The following CDH11 variants were observed in gnomAD, a reference collection of about 807,000 sequenced individuals.
The protein encoded by CDH11 is cadherin 11, also known as cadherin-11.
A neutral mutation model predicts 67.8 loss-of-function variants in CDH11; 11 were observed. The ratio of observed to expected loss-of-function variants is 0.16; its 90% CI spans 0.10 to 0.27. The LOEUF is 0.27. CDH11 is among the 10% of genes least tolerant of loss of function. The pLI is 1.00. For missense variants in CDH11, 847 were observed against 1,031.2 expected, an observed-to-expected ratio of 0.82 and a Z score of 2.45; for synonymous variants, 419 against 400.0, an observed-to-expected ratio of 1.05 and a Z score of -0.57.
At chr16:65,093,854 T>C (rs1043802518) in intron 1 of CDH11, among the ~76,000 whole-genome samples, 7 of 152,180 alleles carry the variant, frequency 4.6e-5, no homozygotes, top group Admixed American at 1.3e-4. Flanking sequence ...TGTCAAAATA[T>C]GAAAGCAAAA....
intron 7 of CDH11, chr16:64,985,125 C>T (rs1017960703): frequency 6.6e-6 from 1 of 152,100 alleles, no homozygotes; most frequent in Non-Finnish European, 1.5e-5. Flanking sequence ...CACCTAAAAC[C>T]TCATCTTTAT....
chr16:64,992,525 C>T (rs920082961), intron 5 of CDH11, among the ~76,000 whole-genome samples: 1 of 152,192 alleles, frequency 6.6e-6, no homozygotes, highest in African/African-American at 2.4e-5. Context: ...GATATTGGCA[C>T]ATGAGTGCCA....
At chr16:65,045,341 A>G (rs908591486) in intron 2 of CDH11, among the ~76,000 whole-genome samples, 5 of 66,830 alleles carry the variant, frequency 7.5e-5, no homozygotes, top group African/African-American at 2.1e-4. Context: ...ATATATATAT[A>G]TATATATATA....
At chr16:64,995,900 G>C (rs918188022) in intron 4 of CDH11, among the ~76,000 whole-genome samples, 17 of 152,166 alleles carry the variant, frequency 1.1e-4, no homozygotes, top group African/African-American at 4.1e-4. Context: ...AATTCAACAA[G>C]TAAAAAAACA....
At chr16:65,003,867 C>G (rs1124695) in intron 3 of CDH11, among the ~76,000 whole-genome samples, 22,686 of 152,106 alleles carry the variant, frequency 0.15, 2,275 homozygotes, top group East Asian at 0.42. Flanking sequence ...TGACACTGCC[C>G]TTGACACAAA....
intron 6 of CDH11, chr16:64,991,544 T>C (rs2072628961): frequency 2.0e-6 from 1 of 489,080 alleles, no homozygotes; most frequent in Non-Finnish European, 3.7e-6. Context: ...TCCAGGGTTG[T>C]AGAACTTTTT....
In CDH11 at chr16:64,991,913, G is replaced by A; in HGVS notation, c.666C>T (p.Pro222=). The A allele has an allele frequency of 6.2e-7, 1 of 1,612,794 alleles. No homozygotes were observed. The highest frequency in any genetic ancestry group is 8.5e-7 in the Non-Finnish European group (1 of 1,179,022). Residue 222 remains proline (P), a synonymous_variant, in exon 6 of 13, where the codon CCC becomes CCT. Coordinates refer to ENST00000268603, the MANE Select transcript of CDH11 (RefSeq NM_001797.4). ...CCTCCTTGGCCTCCCTGTCCATGTT[G>A]GGTAGGGCTGTTCTGATGATACCTG... The part of the protein sequence containing the change: ...AQTGIIRTAL[P]NMDREAKEEY...
chr16:65,122,888 C>T (rs1402806436), upstream of CDH11, among the ~76,000 whole-genome samples: 1 of 152,200 alleles, frequency 6.6e-6, no homozygotes, highest in Non-Finnish European at 1.5e-5. Context: ...GTATCAGTGG[C>T]CCCCGCCGGT....
chr16:65,016,833 T>C (rs113691875), intron 2 of CDH11, among the ~76,000 whole-genome samples: 2 of 152,230 alleles, frequency 1.3e-5, no homozygotes, highest in African/African-American at 4.8e-5. Flanking sequence ...CAAATGGTTA[T>C]TTCTTGATTA....
At chr16:65,055,175 G>T (rs1317436837) in intron 1 of CDH11, among the ~76,000 whole-genome samples, 1 of 152,212 alleles carries the variant, frequency 6.6e-6, no homozygotes, top group African/African-American at 2.4e-5. Context: ...GACCCTGCTT[G>T]TCAACCATGT....
Position 64,973,077 on chromosome 16 carries a change from A to G in CDH11, c.1254-37T>C, listed in dbSNP as rs188913945. On this transcript the variant is annotated intron_variant, in intron 8 of 12. Coordinates refer to ENST00000268603, the MANE Select transcript of CDH11 (RefSeq NM_001797.4). ...GCAAATGAGGCAATTAGACCAAGACATTCAGAGCAGCTTAATATTTGAATA... is the reference window on the plus strand; with the variant it reads ...GCAAATGAGGCAATTAGACCAAGACGTTCAGAGCAGCTTAATATTTGAATA... The G allele has an allele frequency of 3.8e-5, 61 of 1,599,152 alleles. 1 individual carries two copies. The East Asian group carries it at 1.4e-3, about 36-fold the overall frequency.
At chr16:65,079,234 C>A (rs1046462867) in intron 1 of CDH11, among the ~76,000 whole-genome samples, 1 of 152,186 alleles carries the variant, frequency 6.6e-6, no homozygotes, top group Non-Finnish European at 1.5e-5. Context: ...TGCTACAGGG[C>A]GGCTGACCAA....
At chr16:65,051,224 G>A (rs2074050805) in intron 2 of CDH11, among the ~76,000 whole-genome samples, 1 of 152,170 alleles carries the variant, frequency 6.6e-6, no homozygotes, top group South Asian at 2.1e-4. Flanking sequence ...GAGAGAAAGA[G>A]GTGGGGACTC....
chr16:65,023,153 G>A (rs910676613), intron 2 of CDH11, among the ~76,000 whole-genome samples: 1 of 152,210 alleles, frequency 6.6e-6, no homozygotes, highest in African/African-American at 2.4e-5. Flanking sequence ...GCTTCTGCCT[G>A]TCCAGGACTC....
At chr16:64,971,053 C>T (rs145749591) in intron 11 of CDH11, among the ~76,000 whole-genome samples, 102 of 152,234 alleles carry the variant, frequency 6.7e-4, no homozygotes, top group African/African-American at 2.1e-3. Context: ...TAAATTTTGC[C>T]GTTTTTATAA....
At chr16:65,060,570 T>G (rs2074222282) in intron 1 of CDH11, among the ~76,000 whole-genome samples, 1 of 152,148 alleles carries the variant, frequency 6.6e-6, no homozygotes, top group African/African-American at 2.4e-5. Context: ...ATATGGTCAG[T>G]ATGTAAAGTT....
At chr16:65,058,094 G>GT (rs1365805084) in intron 1 of CDH11, among the ~76,000 whole-genome samples, 5 of 152,078 alleles carry the variant, frequency 3.3e-5, no homozygotes, top group African/African-American at 1.2e-4. Context: ...GTGGTGGCAG[G>GT]TGCCTGTAGT....
intron 11 of CDH11, among the ~76,000 whole-genome samples, chr16:64,954,124 T>C (rs1014044249): frequency 2.6e-4 from 39 of 152,170 alleles, no homozygotes; most frequent in African/African-American, 9.4e-4. Context: ...CATTGGCACA[T>C]GAATTCAAGA....
intron 6 of CDH11, among the ~76,000 whole-genome samples, chr16:64,989,487 G>A (rs902740869): frequency 3.3e-5 from 5 of 152,142 alleles, no homozygotes; most frequent in South Asian, 4.1e-4. Context: ...AGACAATGAC[G>A]TGCATATCTG....
Sources: gnomAD v4.1 joint callset for allele counts (sites outside exome capture counted in the v4.1 genomes callset) on GRCh38, gnomAD v4.1.1 for gene constraint, MANE v1.5 for transcripts, NCBI Gene and HGNC (gene_info 2026-07-23, HGNC 2026-07-21) for gene names.